The following MCTP1 variants were observed in gnomAD, a reference collection of about 807,000 sequenced individuals.
The protein encoded by MCTP1 is multiple C2 and transmembrane domain-containing protein 1.
A neutral mutation model predicts 120.6 loss-of-function variants in MCTP1; 69 were observed. That is an observed-to-expected ratio of 0.57 (90% CI 0.47 to 0.70). The LOEUF (loss-of-function observed/expected upper bound fraction) is 0.70. MCTP1 is among the 30% of genes least tolerant of loss of function. The pLI is 0.00. For missense variants in MCTP1, 1,203 were observed against 1,248.8 expected (o/e 0.96, Z 0.55); for synonymous variants, 529 against 493.1 (o/e 1.07, Z -0.96).
At chr5:94,773,762 G>A (rs1774630293) in intron 19 of MCTP1, among the ~76,000 whole-genome samples, 1 of 152,130 alleles carries the variant, frequency 6.6e-6, no homozygotes, top group Non-Finnish European at 1.5e-5. Flanking sequence ...AAAACTATCA[G>A]ATCTCATGAG....
chr5:94,981,015 C>A (rs1829284319), intron 2 of MCTP1: 1 of 152,052 alleles, frequency 6.6e-6, no homozygotes, highest in Admixed American at 6.6e-5. Context: ...AAACCTTCAC[C>A]CCTTATGCTA....
intron 7 of MCTP1, among the ~76,000 whole-genome samples, chr5:94,921,743 C>T (rs1195042580): frequency 6.6e-6 from 1 of 152,154 alleles, no homozygotes; most frequent in Non-Finnish European, 1.5e-5. Flanking sequence ...TTGTAAATGG[C>T]ACATCAGACA....
chr5:94,925,779 T>C (rs534049960), intron 6 of MCTP1, among the ~76,000 whole-genome samples: 2 of 152,294 alleles, frequency 1.3e-5, no homozygotes, highest in African/African-American at 2.4e-5. Context: ...AACAGAAATA[T>C]CAATTGATAA....
intron 1 of MCTP1, among the ~76,000 whole-genome samples, chr5:95,147,597 C>T (rs1240653148): frequency 6.6e-6 from 1 of 152,228 alleles, no homozygotes; most frequent in Non-Finnish European, 1.5e-5. Flanking sequence ...GGTGTCACTA[C>T]ATGCAAGATG....
At chr5:94,707,699 C>G (rs1471440768) in intron 22 of MCTP1, 132 bp from the exon 23 acceptor site, 13 of 669,646 alleles carry the variant, frequency 1.9e-5, no homozygotes, top group Non-Finnish European at 3.5e-5. Context: ...GGATCTGCAG[C>G]TGAGATGCAG....
At chr5:94,866,742 C>T (rs769826307) in intron 17 of MCTP1, among the ~76,000 whole-genome samples, 1 of 150,424 alleles carries the variant, frequency 6.6e-6, no homozygotes, top group Non-Finnish European at 1.5e-5. Context: ...ATTCCAGTGC[C>T]TGAGTTTTTT....
At chr5:94,882,014 G>A (rs943037260) in intron 12 of MCTP1, among the ~76,000 whole-genome samples, 10 of 152,024 alleles carry the variant, frequency 6.6e-5, no homozygotes, top group African/African-American at 2.2e-4. Context: ...TTACTCTCAT[G>A]GAGTTTAAAC....
chr5:95,201,733 G>A (rs1751081299), intron 1 of MCTP1, among the ~76,000 whole-genome samples: 1 of 151,816 alleles, frequency 6.6e-6, no homozygotes, highest in Admixed American at 6.6e-5. Context: ...TCAAACTCCT[G>A]ACCTCAAGGG....
At chr5:94,999,943 T>C (rs1833346189) in intron 2 of MCTP1, among the ~76,000 whole-genome samples, 1 of 152,156 alleles carries the variant, frequency 6.6e-6, no homozygotes, top group Admixed American at 6.5e-5. Flanking sequence ...GTGAAGACCA[T>C]ATACAAAGCT....
At chr5:95,144,956 A>G (rs1760259017) in intron 1 of MCTP1, among the ~76,000 whole-genome samples, 1 of 152,162 alleles carries the variant, frequency 6.6e-6, no homozygotes, top group Admixed American at 6.5e-5. Flanking sequence ...ATATTTTGAT[A>G]GAGATGGCAT....
At chr5:95,240,355 T>C (rs188017738) in intron 1 of MCTP1, among the ~76,000 whole-genome samples, 2 of 152,344 alleles carry the variant, frequency 1.3e-5, no homozygotes, top group East Asian at 1.9e-4. Context: ...TGTAGTAGTA[T>C]AGATTAGATA....
At chr5:94,970,025 A>G (rs752892995) in intron 2 of MCTP1, among the ~76,000 whole-genome samples, 2 of 152,012 alleles carry the variant, frequency 1.3e-5, no homozygotes, top group Non-Finnish European at 2.9e-5. Flanking sequence ...GTAAACCAAC[A>G]TTTTTTCCAT....
At chr5:95,148,006 G>A (rs1055629386) in intron 1 of MCTP1, among the ~76,000 whole-genome samples, 2 of 152,148 alleles carry the variant, frequency 1.3e-5, no homozygotes, top group Middle Eastern at 3.2e-3. Flanking sequence ...TCTTTTCATT[G>A]AGGATGCTGA....
chr5:94,814,376 T>C (rs768838728), intron 17 of MCTP1, among the ~76,000 whole-genome samples: 2 of 152,180 alleles, frequency 1.3e-5, no homozygotes, highest in Non-Finnish European at 2.9e-5. Context: ...TATTTTAAAA[T>C]GCTAGTCGAT....
chr5:94,859,405 TAGC>T (rs1375710381), intron 17 of MCTP1, among the ~76,000 whole-genome samples: 2 of 151,672 alleles, frequency 1.3e-5, no homozygotes, highest in Non-Finnish European at 3.0e-5. Context: ...TGACTATAAT[TAGC>T]AACAACTTAT....
chr5:95,204,627 T>C (rs1334779679), intron 1 of MCTP1, among the ~76,000 whole-genome samples: 4 of 152,062 alleles, frequency 2.6e-5, no homozygotes, highest in African/African-American at 9.7e-5. Context: ...TAGAAAACCC[T>C]AAGGAATCCA....
intron 17 of MCTP1, among the ~76,000 whole-genome samples, chr5:94,817,290 C>T (rs867724050): frequency 2.0e-5 from 3 of 152,264 alleles, no homozygotes; most frequent in Middle Eastern, 3.4e-3. Flanking sequence ...TGCCTGTAAT[C>T]CCAGCCATTT....
chr5:94,774,726 A>T (rs1219009212), intron 19 of MCTP1, among the ~76,000 whole-genome samples: 1 of 152,202 alleles, frequency 6.6e-6, no homozygotes, highest in Admixed American at 6.5e-5. Flanking sequence ...TTATGCAGCA[A>T]TAGCAAACAA....
intron 1 of MCTP1, among the ~76,000 whole-genome samples, chr5:95,257,275 C>A (rs756184583): frequency 1.3e-5 from 2 of 152,076 alleles, no homozygotes; most frequent in Non-Finnish European, 2.9e-5. Context: ...ACAGGCACTT[C>A]ATGAGTACTA....
Sources: gnomAD v4.1 joint callset for allele counts (sites outside exome capture counted in the v4.1 genomes callset) on GRCh38, gnomAD v4.1.1 for gene constraint, MANE v1.5 for transcripts, NCBI Gene and HGNC (gene_info 2026-07-23, HGNC 2026-07-21) for gene names.